SYP: variants seen among roughly 807,000 people sequenced by gnomAD.
SYP encodes major synaptic vesicle protein P38.
In SYP, 2 loss-of-function variants were observed where a neutral mutation model predicts 24.3. That is an observed-to-expected ratio of 0.08 (90% CI 0.03 to 0.26). The LOEUF is 0.26. Ranked by LOEUF, SYP falls within the 10% of genes least tolerant of loss-of-function variation. The pLI is 1.00. For missense variants in SYP, 216 were observed against 266.3 expected, an observed-to-expected ratio of 0.81 and a Z score of 1.32; for synonymous variants, 143 against 123.2, an observed-to-expected ratio of 1.16 and a Z score of -1.07.
At chrX:49,194,704 C>CTTTTTTTTTTTTTT (rs34247999) in intron 3 of SYP, among the ~76,000 whole-genome samples, 1 of 57,407 alleles carries the variant, frequency 1.7e-5, no homozygotes, top group Non-Finnish European at 3.0e-5. Context: ...CCCTCATCTC[C>CTTTTTTTTTTTTTT]TTTTTTTTTT....
At chrX:49,196,084 A>T (rs2065527369) in intron 3 of SYP, among the ~76,000 whole-genome samples, 1 of 110,535 alleles carries the variant, frequency 9.0e-6, no homozygotes, top group Admixed American at 9.6e-5. Flanking sequence ...TTTCTAGGGG[A>T]CTTGTGGGCT....
rs1301790136 is a variant in SYP at position 49,189,148 on chromosome X, AATATAT to A, written c.*133_*138del. On this transcript the variant is annotated 3_prime_UTR_variant, in exon 7 of 7. Coordinates refer to ENST00000263233, the MANE Select transcript of SYP (RefSeq NM_003179.3). The stretch of plus-strand genomic sequence containing the variant: ...GACAGATAAATAGATATTTATATAT[AATATAT>A]ATATATATAAACAGCAAAGACAGGG... 3 of 106,243 alleles carry A rather than the reference AATATAT, an allele frequency of 2.8e-5. No homozygotes were observed. Among genetic ancestry groups the A allele is most frequent in the East Asian group, 2.9e-4 (1 of 3,440 alleles). The allele number at this position is 106,243 out of a possible 1,213,427, so 8.8% of individuals were successfully genotyped here.
chrX:49,196,671 A>G (rs1454082944), intron 3 of SYP, among the ~76,000 whole-genome samples: 1 of 111,200 alleles, frequency 9.0e-6, no homozygotes, highest in Non-Finnish European at 1.9e-5. Flanking sequence ...AGTCTCAGAA[A>G]CCTGTGCGGG....
chrX:49,197,956 AC>A lies in SYP; in HGVS notation c.103-118del, dbSNP rs1430332002. On this transcript the variant is annotated intron_variant, in intron 2 of 6. Coordinates refer to ENST00000263233, the MANE Select transcript of SYP (RefSeq NM_003179.3). The stretch of plus-strand genomic sequence containing the variant: ...GGCAGCAGCAGATGGAGCAGTCCCC[AC>A]CCCCACCCCCTAATCAGGGCTCATC... 11 of 966,692 alleles carry A rather than the reference AC, an allele frequency of 1.1e-5. No individual in the cohort carries two copies. The African/African-American group carries it at 2.2e-4, about 19-fold the overall frequency. 79.7% of individuals were successfully genotyped at this position (966,692 alleles called of 1,213,427 possible).
chrX:49,199,722 A>T (rs2065543587), intron 1 of SYP, among the ~76,000 whole-genome samples: 2 of 108,114 alleles, frequency 1.8e-5, no homozygotes, highest in African/African-American at 6.8e-5. Context: ...ATGGGGGTAC[A>T]GTCTCTGTTT....
intron 2 of SYP, chrX:49,198,224 G>A: frequency 4.5e-6 from 1 of 222,026 alleles, no homozygotes; most frequent in Non-Finnish European, 8.2e-6. Flanking sequence ...CTGCCTATCT[G>A]ATCTGTCGAT....
chrX:49,194,704 CTT>C (rs34247999), intron 3 of SYP, among the ~76,000 whole-genome samples: 5 of 57,405 alleles, frequency 8.7e-5, no homozygotes, highest in Non-Finnish European at 1.5e-4. Flanking sequence ...CCCTCATCTC[CTT>C]TTTTTTTTTT....
intron 1 of SYP, among the ~76,000 whole-genome samples, chrX:49,199,714 G>A (rs1390840979): frequency 9.2e-6 from 1 of 109,019 alleles, no homozygotes; most frequent in African/African-American, 3.4e-5. Flanking sequence ...GGTCGCCTAT[G>A]GGGGTACAGT....
intron 3 of SYP, among the ~76,000 whole-genome samples, chrX:49,194,704 C>CTTTTTTTTTTTTTTT (rs34247999): frequency 1.7e-5 from 1 of 57,407 alleles, no homozygotes; most frequent in Non-Finnish European, 3.0e-5. Context: ...CCCTCATCTC[C>CTTTTTTTTTTTTTTT]TTTTTTTTTT....
intron 6 of SYP, among the ~76,000 whole-genome samples, chrX:49,189,655 A>T (rs2065499456): frequency 2.7e-5 from 3 of 111,000 alleles, no homozygotes; most frequent in Admixed American, 9.7e-5. Context: ...ACATAGGGTG[A>T]CAATAATAAG....
At chrX:49,198,854 T>G in intron 2 of SYP, 114 bp downstream of exon 2, 2 of 812,281 alleles carry the variant, frequency 2.5e-6, no homozygotes, top group Non-Finnish European at 3.6e-6. Flanking sequence ...CCCCATCCCC[T>G]ACAACCCCCG....
At chrX:49,191,109 C>T (rs782014677) in intron 6 of SYP, 3 of 350,483 alleles carry the variant, frequency 8.6e-6, no homozygotes, top group Admixed American at 4.6e-5. Context: ...TTCGCCACTG[C>T]GCAAGTCCCC....
At chrX:49,194,114 TG>T (rs2065520127) in intron 4 of SYP, 51 bp downstream of exon 4, 11 of 1,189,425 alleles carry the variant, frequency 9.2e-6, no homozygotes, top group Non-Finnish European at 1.3e-5. Flanking sequence ...GCTGTGTCCC[TG>T]GGGTTCCGTG....
intron 3 of SYP, among the ~76,000 whole-genome samples, chrX:49,196,040 A>C (rs1300006873): frequency 6.3e-5 from 7 of 110,268 alleles, no homozygotes; most frequent in African/African-American, 2.3e-4. Flanking sequence ...TTTGGGAGGG[A>C]TTTTGCTCAG....
chrX:49,192,087 A>C (rs1386651075), intron 5 of SYP, among the ~76,000 whole-genome samples: 1 of 113,096 alleles, frequency 8.8e-6, no homozygotes, highest in Non-Finnish European at 1.9e-5. Flanking sequence ...ATTCATAGTA[A>C]AATGTAAGGA....
At chrX:49,197,378 A>AT (rs1218238385) in intron 3 of SYP, 3 of 250,674 alleles carry the variant, frequency 1.2e-5, no homozygotes, top group Non-Finnish European at 2.2e-5. Context: ...GAATGAATGA[A>AT]TGGGGATTAA....
chrX:49,190,212 C>T (rs1258636329), intron 6 of SYP, among the ~76,000 whole-genome samples: 1 of 109,275 alleles, frequency 9.2e-6, no homozygotes, highest in African/African-American at 3.3e-5. Context: ...CAGAGTCTCG[C>T]TCTGTTGCCC....
chrX:49,196,503 C>T (rs2065528693), intron 3 of SYP, among the ~76,000 whole-genome samples: 1 of 112,395 alleles, frequency 8.9e-6, no homozygotes, highest in East Asian at 2.8e-4. Context: ...ACTGATGGAG[C>T]ACTTATTGTG....
rs781947351 is a variant in SYP at position 49,193,238 on chromosome X, A to T, written c.615+34T>A. On this transcript the variant is annotated intron_variant, in intron 5 of 6. Coordinates refer to ENST00000263233, the MANE Select transcript of SYP (RefSeq NM_003179.3). ...CCCATGCCGGACTGTACTGTTTTCC[A>T]CTCTCCCTCCTCCAGCCAGCACCCA... 4.4e-5 allele frequency: 53 copies of T among 1,199,347 alleles called. No homozygotes were observed. The South Asian group carries it at 8.6e-4, about 19-fold the overall frequency.
Sources: allele counts gnomAD v4.1 joint callset (sites outside exome capture counted in the v4.1 genomes callset), GRCh38; gene constraint gnomAD v4.1.1; transcripts MANE v1.5; gene names NCBI Gene and HGNC (gene_info 2026-07-23, HGNC 2026-07-21).